Variants in DYSF observed in about 807,000 individuals in gnomAD.
DYSF encodes the protein dystrophy-associated fer-1-like 1.
DYSF carries 212 observed loss-of-function variants against 274.9 expected under a neutral mutation model. The ratio of observed to expected loss-of-function variants is 0.77; its 90% CI spans 0.69 to 0.86. The LOEUF (loss-of-function observed/expected upper bound fraction) is 0.86, where lower values mean the gene tolerates loss of function less well. DYSF is among the 40% of genes least tolerant of loss of function. The pLI is 0.00. For synonymous variants in DYSF, 1,091 were observed against 1,078.7 expected (o/e 1.01, Z -0.22); for missense variants, 2,666 against 2,783.2 (o/e 0.96, Z 0.95).
chr2:71,560,424 C>CACAGGGCTCCGGCCCAGG (rs1553548277), intron 22 of DYSF, among the ~76,000 whole-genome samples: 1 of 151,918 alleles, frequency 6.6e-6, no homozygotes, highest in African/African-American at 2.4e-5. Context: ...CAGGCCCCCG[C>CACAGGGCTCCGGCCCAGG]CCCGCTACCC....
intron 22 of DYSF, among the ~76,000 whole-genome samples, chr2:71,556,877 G>A (rs2091375459): frequency 6.6e-6 from 1 of 152,176 alleles, no homozygotes; most frequent in Non-Finnish European, 1.5e-5. Context: ...TGTATTCTAT[G>A]CTCCCATACG....
chr2:71,577,453 C>T (rs547644658), intron 30 of DYSF, among the ~76,000 whole-genome samples: 1 of 151,864 alleles, frequency 6.6e-6, no homozygotes. Flanking sequence ...CATACCCTCA[C>T]ACACACCAAC....
chr2:71,494,773 A>T (rs796290861), intron 3 of DYSF, among the ~76,000 whole-genome samples: 22 of 152,164 alleles, frequency 1.4e-4, no homozygotes, highest in African/African-American at 4.1e-4. Flanking sequence ...CATCTCTTCC[A>T]TCCTTGATAG....
At chr2:71,651,647 A>G (rs912853622) in intron 42 of DYSF, among the ~76,000 whole-genome samples, 4 of 152,192 alleles carry the variant, frequency 2.6e-5, no homozygotes, top group African/African-American at 7.2e-5. Context: ...TAAAATGTAG[A>G]AAACCTCGAT....
chr2:71,498,488 T>C (rs1381430870), intron 3 of DYSF, among the ~76,000 whole-genome samples: 3 of 152,236 alleles, frequency 2.0e-5, no homozygotes, highest in African/African-American at 7.2e-5. Flanking sequence ...GAATGCAGTG[T>C]CTGAAAAATA....
rs1284001719 is a variant in DYSF at position 71,569,954 on chromosome 2, G to T, written c.2979+20G>T. Reference sequence around the variant, plus strand: ...GATGTGGTAAAGCAGGCACTCAGGGGCAGGTGGGGTCTAGACATTTGGTCT... The same window carrying T: ...GATGTGGTAAAGCAGGCACTCAGGGTCAGGTGGGGTCTAGACATTTGGTCT... On this transcript the variant is annotated intron_variant, in intron 27 of 55. Coordinates refer to ENST00000410020, the MANE Select transcript of DYSF (RefSeq NM_001130987.2). 4 of 1,606,650 alleles carry T rather than the reference G, an allele frequency of 2.5e-6. No individual in the cohort carries two copies. In the African/African-American group the frequency reaches 5.3e-5, roughly 21 times the overall value.
intron 41 of DYSF, among the ~76,000 whole-genome samples, chr2:71,642,680 C>T (rs1572913047): frequency 6.6e-6 from 1 of 152,344 alleles, no homozygotes; most frequent in East Asian, 1.9e-4. Context: ...TGTCTGGAGA[C>T]ACCTGGCCAC....
rs568951199 is a variant in DYSF at position 71,535,607 on chromosome 2, G to A, written c.1493+296G>A. Among the ~76,000 whole-genome samples, 11 of 152,202 alleles carry A rather than the reference G, an allele frequency of 7.2e-5. No homozygotes were observed. The East Asian group carries it at 1.9e-3, about 27-fold the overall frequency. Reference sequence around the variant, plus strand: ...GTGATGGCCCGGCAGGAGGGGTGGGGTTTTGCTAAGCTCACCATGAGGACA... The same window carrying A: ...GTGATGGCCCGGCAGGAGGGGTGGGATTTTGCTAAGCTCACCATGAGGACA... On this transcript the variant is annotated intron_variant, in intron 16 of 55. Transcript: ENST00000410020.
chr2:71,590,151 C>T (rs1231870086), intron 31 of DYSF, 60 bp from the exon 32 acceptor site: 13 of 1,576,290 alleles, frequency 8.2e-6, no homozygotes, highest in Non-Finnish European at 1.1e-5. Context: ...CCCCCCGAGC[C>T]CCAGCTCTTA....
intron 52 of DYSF, among the ~76,000 whole-genome samples, chr2:71,677,523 G>A (rs1016453118): frequency 6.6e-6 from 1 of 152,076 alleles, no homozygotes; most frequent in Non-Finnish European, 1.5e-5. Flanking sequence ...ATAGCTGAAG[G>A]TATCCTGGGA....
intron 16 of DYSF, among the ~76,000 whole-genome samples, chr2:71,536,552 G>A (rs548661376): frequency 6.6e-6 from 1 of 152,244 alleles, no homozygotes; most frequent in Non-Finnish European, 1.5e-5. Context: ...GCGTGTCTCT[G>A]CGTGTTTGCG....
intron 21 of DYSF, 119 bp downstream of exon 21, chr2:71,554,050 T>C (rs184075460): frequency 1.3e-6 from 2 of 1,482,092 alleles, no homozygotes. Context: ...CTGTGCCTAC[T>C]GACCTTTGTG....
intron 1 of DYSF, among the ~76,000 whole-genome samples, chr2:71,460,194 T>C (rs1047489266): frequency 6.6e-6 from 1 of 152,228 alleles, no homozygotes; most frequent in South Asian, 2.1e-4. Context: ...TCCTCCTGTT[T>C]TATTGCTCTG....
chr2:71,535,039 G>A lies in DYSF; in HGVS notation c.1399G>A (p.Glu467Lys), dbSNP rs1485102840. 6.2e-7 allele frequency: 1 copy of A among 1,614,160 alleles called. No individual in the cohort carries two copies. The highest frequency in any genetic ancestry group is 1.3e-5 in the African/African-American group (1 of 75,008). Reference sequence around the variant, plus strand: ...CTTCTAGCTGTGCAGCAAGATCTTGGAGAAGACGGCCAACCCTCAGTGGAA... The same window carrying A: ...CTTCTAGCTGTGCAGCAAGATCTTGAAGAAGACGGCCAACCCTCAGTGGAA... Reference protein sequence around the residue: ...AGKMLCSKILEKTANPQWNQN... With the variant: ...AGKMLCSKILKKTANPQWNQN... The change falls in exon 15 of 56, where the codon GAG becomes AAG. Residue 467 changes from glutamate to lysine, a missense_variant. Coordinates refer to ENST00000410020, the MANE Select transcript of DYSF (RefSeq NM_001130987.2).
chr2:71,624,477 T>C (rs1284990131), intron 41 of DYSF, among the ~76,000 whole-genome samples: 2 of 152,228 alleles, frequency 1.3e-5, no homozygotes, highest in Admixed American at 6.5e-5. Flanking sequence ...TCAGGTGTAC[T>C]TCTACTTTCT....
upstream of DYSF, among the ~76,000 whole-genome samples, chr2:71,463,240 G>C (rs1290980368): frequency 6.6e-6 from 1 of 152,236 alleles, no homozygotes; most frequent in Non-Finnish European, 1.5e-5. Flanking sequence ...GCCACCACAA[G>C]TGTGCACACA....
intron 52 of DYSF, among the ~76,000 whole-genome samples, chr2:71,678,284 A>G (rs72904672): frequency 0.03 from 4,572 of 152,272 alleles, 100 homozygotes; most frequent in Non-Finnish European, 0.047. Flanking sequence ...CAAATTTCAG[A>G]TTTTCAGATT....
At chr2:71,603,184 G>T (rs2152862237) in intron 36 of DYSF, among the ~76,000 whole-genome samples, 1 of 152,324 alleles carries the variant, frequency 6.6e-6, no homozygotes, top group Middle Eastern at 3.4e-3. Flanking sequence ...ATGTCTTTAT[G>T]CCCATCAGCA....
Position 71,664,108 on chromosome 2 carries a change from C to T in DYSF, c.5004-160C>T, listed in dbSNP as rs116621672. On this transcript the variant is annotated intron_variant, in intron 45 of 55. Transcript: ENST00000410020. ...TCCCCCTTCCCCCTACACACACACT[C>T]AGGCCCAGTACAGCAGTGCTGTGGG... Among the ~76,000 whole-genome samples, 1,200 of 152,336 alleles carry T rather than the reference C, an allele frequency of 7.9e-3. 11 individuals carry two copies. The highest frequency in any genetic ancestry group is 0.028 in the African/African-American group (1,148 of 41,588).
Sources: allele counts gnomAD v4.1 joint callset (sites outside exome capture counted in the v4.1 genomes callset), GRCh38; gene constraint gnomAD v4.1.1; transcripts MANE v1.5; gene names NCBI Gene and HGNC (gene_info 2026-07-23, HGNC 2026-07-21).